Variants in SCHIP1 observed in about 807,000 individuals in gnomAD.
SCHIP1 encodes schwannomin-interacting protein 1.
SCHIP1 carries 8 observed loss-of-function variants against 29.7 expected under a neutral mutation model. The ratio of observed to expected loss-of-function variants is 0.27; its 90% CI spans 0.16 to 0.49. The LOEUF is 0.49. Among genes scored for constraint, SCHIP1 ranks in the 20% least tolerant of loss-of-function variants. SCHIP1 has a pLI of 0.99. For synonymous variants in SCHIP1, 76 were observed against 94.9 expected (o/e 0.80, Z 1.16); for missense variants, 193 against 294.6 (o/e 0.66, Z 2.52).
chr3:159,661,910 G>A, the SCHIP1 span, among the ~76,000 whole-genome samples: 3 of 152,178 alleles, frequency 2.0e-5, no homozygotes, highest in African/African-American at 7.2e-5. Context: ...CAGTATGTCA[G>A]TATATTCAGT....
chr3:159,823,368 C>T, the SCHIP1 span, among the ~76,000 whole-genome samples: 5 of 152,170 alleles, frequency 3.3e-5, no homozygotes, highest in African/African-American at 7.2e-5. Context: ...CCTCAGGTGT[C>T]CTACAGTTCC....
chr3:159,638,157 C>T, the SCHIP1 span, among the ~76,000 whole-genome samples: 1 of 152,202 alleles, frequency 6.6e-6, no homozygotes, highest in Non-Finnish European at 1.5e-5. Flanking sequence ...TACAGACTGT[C>T]CTTGCCTCCT....
the SCHIP1 span, among the ~76,000 whole-genome samples, chr3:159,512,076 A>G: frequency 6.6e-6 from 1 of 152,160 alleles, no homozygotes; most frequent in East Asian, 1.9e-4. Flanking sequence ...CTGACAAATA[A>G]TTAGTGTCCA....
chr3:159,433,288 C>A, the SCHIP1 span, among the ~76,000 whole-genome samples: 1 of 152,286 alleles, frequency 6.6e-6, no homozygotes, highest in East Asian at 1.9e-4. Flanking sequence ...AAAAGACTTT[C>A]TAAGCCCAAC....
chr3:159,780,188 G>A, the SCHIP1 span, among the ~76,000 whole-genome samples: 1 of 152,180 alleles, frequency 6.6e-6, no homozygotes. Context: ...TATGTCTAGA[G>A]CATTTGCAGC....
the SCHIP1 span, among the ~76,000 whole-genome samples, chr3:159,610,972 C>T: frequency 6.6e-6 from 1 of 151,764 alleles, no homozygotes. Context: ...AAAATAATTC[C>T]ATATTTATTA....
chr3:159,696,682 T>A, the SCHIP1 span, among the ~76,000 whole-genome samples: 1 of 152,194 alleles, frequency 6.6e-6, no homozygotes. Context: ...GTAACAATGA[T>A]GGATCATAGG....
chr3:159,465,212 C>G, the SCHIP1 span, among the ~76,000 whole-genome samples: 1 of 151,924 alleles, frequency 6.6e-6, no homozygotes, highest in African/African-American at 2.4e-5. Context: ...GGCCAGGTAT[C>G]AAACTGAAAA....
the SCHIP1 span, among the ~76,000 whole-genome samples, chr3:159,314,520 C>A: frequency 6.6e-6 from 1 of 152,134 alleles, no homozygotes; most frequent in Non-Finnish European, 1.5e-5. Flanking sequence ...AGGAAAAATT[C>A]TTTTCTCTTA....
chr3:159,826,103 C>T, the SCHIP1 span, among the ~76,000 whole-genome samples: 3 of 152,106 alleles, frequency 2.0e-5, no homozygotes, highest in Middle Eastern at 3.4e-3. Context: ...TGTGGAAAAC[C>T]GAGGAGTTTG....
the SCHIP1 span, among the ~76,000 whole-genome samples, chr3:159,731,832 T>A: frequency 6.6e-6 from 1 of 152,150 alleles, no homozygotes; most frequent in South Asian, 2.1e-4. Context: ...GCCTTTAAAA[T>A]TAGCCCACCA....
At chr3:159,588,878 G>T in the SCHIP1 span, among the ~76,000 whole-genome samples, 1 of 152,212 alleles carries the variant, frequency 6.6e-6, no homozygotes, top group Non-Finnish European at 1.5e-5. Context: ...TTGTAGTAGA[G>T]TTTGAAGTCA....
the SCHIP1 span, chr3:159,273,899 G>A: frequency 5.6e-6 from 9 of 1,612,928 alleles, no homozygotes; most frequent in Non-Finnish European, 8.5e-7. Context: ...TTTTACAAAT[G>A]TCTACCATCT....
the SCHIP1 span, among the ~76,000 whole-genome samples, chr3:159,318,576 T>C: frequency 9.9e-5 from 15 of 152,212 alleles, no homozygotes; most frequent in Admixed American, 3.9e-4. Flanking sequence ...CAGAACCATC[T>C]GTGAACCAGG....
chr3:159,343,417 G>C, the SCHIP1 span, among the ~76,000 whole-genome samples: 12 of 152,174 alleles, frequency 7.9e-5, 1 homozygote, highest in East Asian at 9.6e-4. Flanking sequence ...AGGAGTGTAG[G>C]AAAGCCAGGG....
At chr3:159,877,389 A>G (rs1440587461) in intron 2 of SCHIP1, among the ~76,000 whole-genome samples, 1 of 152,202 alleles carries the variant, frequency 6.6e-6, no homozygotes, top group Non-Finnish European at 1.5e-5. Context: ...GTAAATAACC[A>G]TGCTTCATAG....
At chr3:159,764,918 G>A in the SCHIP1 span, 5 of 1,521,790 alleles carry the variant, frequency 3.3e-6, no homozygotes, top group South Asian at 3.8e-5. This position sits in a 1 kb window ranked among gnomAD's most constrained non-coding sequence, Gnocchi z 6.1. Context: ...GGCCCCCGCC[G>A]GGCGATCCAA....
chr3:159,273,723 A>T, the SCHIP1 span: 1 of 1,541,996 alleles, frequency 6.5e-7, no homozygotes, highest in African/African-American at 1.4e-5. Flanking sequence ...AGACAACCTT[A>T]CTAGCTAACC....
the SCHIP1 span, among the ~76,000 whole-genome samples, chr3:159,680,594 GTATAATATATATTATATATGTATA>G: frequency 2.2e-5 from 2 of 92,708 alleles, no homozygotes; most frequent in African/African-American, 9.9e-5. Context: ...TATAATATAT[GTATAATATATATTATATATGTATA>G]TATAATATAT....
Sources: gnomAD v4.1 joint callset for allele counts (sites outside exome capture counted in the v4.1 genomes callset) on GRCh38, gnomAD v4.1.1 for gene constraint, Gnocchi (gnomAD v3.1) non-coding constraint, MANE v1.5 for transcripts, NCBI Gene and HGNC (gene_info 2026-07-23, HGNC 2026-07-21) for gene names.